SNRPD3: variants seen among roughly 807,000 people sequenced by gnomAD.
The protein encoded by SNRPD3 is small nuclear ribonucleoprotein Sm D3.
For synonymous variants in SNRPD3, 66 were observed against 58.4 expected, an observed-to-expected ratio of 1.13 and a Z score of -0.59; for missense variants, 73 against 167.5, an observed-to-expected ratio of 0.44 and a Z score of 3.11.
At position 24,574,272 on chromosome 22, in the gene SNRPD3, C is replaced by A. The variant is rs995537080; in HGVS notation, c.*2295C>A. Among the ~76,000 whole-genome samples, 7 of 152,186 alleles carry A rather than the reference C, an allele frequency of 4.6e-5. No homozygotes were observed. The highest frequency in any genetic ancestry group is 1.7e-4 in the African/African-American group (7 of 41,446). Reference sequence around the variant, plus strand: ...TCCACGCAATGGAAACTGGCTATAACCCTACCTAGATCTGAAAAGTGAAGG... The same window carrying A: ...TCCACGCAATGGAAACTGGCTATAAACCTACCTAGATCTGAAAAGTGAAGG... On this transcript the variant is annotated 3_prime_UTR_variant, in exon 4 of 4. Transcript: ENST00000215829.
At chr22:24,568,543 AT>A (rs967069450) in intron 3 of SNRPD3, among the ~76,000 whole-genome samples, 2 of 149,922 alleles carry the variant, frequency 1.3e-5, no homozygotes, top group African/African-American at 2.4e-5. Context: ...TTTTTATTTT[AT>A]TTTTAATTTT....
At chr22:24,556,350 C>A (rs898567264) in intron 1 of SNRPD3, among the ~76,000 whole-genome samples, 1 of 149,604 alleles carries the variant, frequency 6.7e-6, no homozygotes, top group Non-Finnish European at 1.5e-5. Context: ...CTATCTCCTT[C>A]CCCCAAATCC....
In SNRPD3 at chr22:24,574,577, C is replaced by T. The variant is rs867164471; in HGVS notation, c.*2600C>T. ...TTGCTTGTTTTAAGACGGTCTCACT[C>T]TTCCCCAGGCGGGAGTGCAATGGCA... On this transcript the variant is annotated 3_prime_UTR_variant, in exon 4 of 4. Transcript: ENST00000215829. 6.6e-6 allele frequency among the ~76,000 whole-genome samples: 1 copy of T among 152,172 alleles called. No homozygotes were observed. The highest frequency in any genetic ancestry group is 2.4e-5 in the African/African-American group (1 of 41,440).
rs534805842 is a variant in SNRPD3 at position 24,560,195 on chromosome 22, C to T, written c.126+2395C>T. On this transcript the variant is annotated intron_variant, in intron 2 of 3. Coordinates refer to ENST00000215829, the MANE Select transcript of SNRPD3 (RefSeq NM_004175.5). ...GCAGTGGCGCGATCTTGGCTCACTG[C>T]AACCTCTGCCTTCCAGGTTCAAGCG... Among the ~76,000 whole-genome samples, 10 of 64,248 alleles carry T rather than the reference C, an allele frequency of 1.6e-4. No individual in the cohort carries two copies. In the South Asian group the frequency reaches 4.9e-3, roughly 31 times the overall value. The allele number at this position is 64,248 out of a possible 152,430, so 42.1% of individuals were successfully genotyped here.
chr22:24,571,965 A>G lies in SNRPD3; in HGVS notation c.369A>G (p.Gln123=). The change falls in exon 4 of 4, where the codon CAA becomes CAG. Residue 123 remains glutamine, a synonymous_variant. Coordinates refer to ENST00000215829, the MANE Select transcript of SNRPD3 (RefSeq NM_004175.5). ...GRGMGRGNIF[Q]KRR ...GAATGGGACGTGGAAACATCTTTCA[A>G]AAGCGAAGATAATTTTCTAAGTTGA... 1.2e-6 allele frequency: 2 copies of G among 1,614,140 alleles called. No homozygotes were observed. Among genetic ancestry groups the G allele is most frequent in the Non-Finnish European group, 1.7e-6 (2 of 1,179,982 alleles).
intron 1 of SNRPD3, 67 bp from the exon 2 acceptor site, chr22:24,557,590 C>T: frequency 8.7e-7 from 1 of 1,153,884 alleles, no homozygotes; most frequent in South Asian, 1.3e-5. Context: ...TTAAAGGAAG[C>T]ATGATGTGTG....
upstream of SNRPD3, chr22:24,555,765 C>T (rs1396457948): frequency 5.2e-6 from 8 of 1,550,394 alleles, no homozygotes; most frequent in South Asian, 4.8e-5. Context: ...GAAGTGTGAG[C>T]ACCCTCTCTG....
chr22:24,560,621 G>A (rs1209130370), intron 2 of SNRPD3, among the ~76,000 whole-genome samples: 2 of 150,268 alleles, frequency 1.3e-5, no homozygotes, highest in African/African-American at 4.9e-5. Flanking sequence ...GTAGAGATAG[G>A]GTTTCCCCAT....
intron 3 of SNRPD3, among the ~76,000 whole-genome samples, chr22:24,569,892 T>C (rs2045233440): frequency 6.6e-6 from 1 of 152,270 alleles, no homozygotes; most frequent in African/African-American, 2.4e-5. Flanking sequence ...TCTAGCCCCA[T>C]GGAGTTTCCT....
chr22:24,557,635 A>T lies in SNRPD3; in HGVS notation c.-18-22A>T. The T allele has an allele frequency of 1.3e-6, 2 of 1,591,774 alleles. 1 individual carries two copies. The highest frequency in any genetic ancestry group is 1.7e-6 in the Non-Finnish European group (2 of 1,162,700). The stretch of plus-strand genomic sequence containing the variant: ...TTTTCAGACTCTGAAAGATGAACTG[A>T]CTGTTGTCTCTCTCATTGTAGAACT... On this transcript the variant is annotated intron_variant, in intron 1 of 3. Transcript: ENST00000215829.
chr22:24,567,906 C>G (rs994078775), intron 2 of SNRPD3, 78 bp from the exon 3 acceptor site: 3 of 1,129,766 alleles, frequency 2.7e-6, no homozygotes, highest in Non-Finnish European at 3.9e-6. Flanking sequence ...TTCTGGACTT[C>G]CCCCTCCCAC....
chr22:24,557,648 T>C lies in SNRPD3; in HGVS notation c.-18-9T>C, dbSNP rs1212688707. The C allele has an allele frequency of 6.2e-7, 1 of 1,606,654 alleles. No individual in the cohort carries two copies. Among genetic ancestry groups the C allele is most frequent in the Non-Finnish European group, 8.5e-7 (1 of 1,174,926 alleles). On this transcript the variant is annotated splice_polypyrimidine_tract_variant and intron_variant, in intron 1 of 3. Coordinates refer to ENST00000215829, the MANE Select transcript of SNRPD3 (RefSeq NM_004175.5). ...AAAGATGAACTGACTGTTGTCTCTC[T>C]CATTGTAGAACTCTCTTCCTGCCAA...
upstream of SNRPD3, chr22:24,555,663 C>T (rs1471538775): frequency 7.7e-6 from 12 of 1,550,548 alleles, no homozygotes; most frequent in Non-Finnish European, 1.0e-5. Flanking sequence ...AAGTCCTGGC[C>T]CTTGGCCCAA....
At position 24,572,035 on chromosome 22, in the gene SNRPD3, G is replaced by A; in HGVS notation, c.*58G>A. The A allele has an allele frequency of 6.2e-7, 1 of 1,607,330 alleles. No individual in the cohort carries two copies. The highest frequency in any genetic ancestry group is 1.1e-5 in the South Asian group (1 of 90,068). On this transcript the variant is annotated 3_prime_UTR_variant, in exon 4 of 4. Transcript: ENST00000215829. ...TCTTTCAGGTTATCTGAGTTCATTG[G>A]AGTGGGTGCTTGTGCATATATGCTA...
At chr22:24,569,620 G>C (rs1382684466) in intron 3 of SNRPD3, among the ~76,000 whole-genome samples, 1 of 152,124 alleles carries the variant, frequency 6.6e-6, no homozygotes, top group Non-Finnish European at 1.5e-5. Flanking sequence ...CACAGGTTGA[G>C]GGCTCGGTCC....
Position 24,572,260 on chromosome 22 carries a change from T to C in SNRPD3, c.*283T>C. 1.6e-6 allele frequency: 1 copy of C among 617,818 alleles called. No individual in the cohort carries two copies. Among genetic ancestry groups the C allele is most frequent in the Non-Finnish European group, 2.8e-6 (1 of 351,286 alleles). The allele number at this position is 617,818 out of a possible 1,614,324, so 38.3% of individuals were successfully genotyped here. On this transcript the variant is annotated 3_prime_UTR_variant, in exon 4 of 4. Transcript: ENST00000215829. ...CAGTACTTTGAAATAGCACAGCTAT[T>C]GATGAGATTTTAAGCTGCTGTTCCT...
upstream of SNRPD3, chr22:24,555,751 C>T: frequency 6.4e-7 from 1 of 1,550,610 alleles, no homozygotes; most frequent in Non-Finnish European, 8.7e-7. Context: ...GTGTGGGGTG[C>T]TTGGAAGTGT....
At chr22:24,558,643 A>T (rs532451133) in intron 2 of SNRPD3, among the ~76,000 whole-genome samples, 3 of 152,366 alleles carry the variant, frequency 2.0e-5, no homozygotes, top group East Asian at 3.9e-4. Flanking sequence ...GCAAGGAAGC[A>T]GTAGTAGGCA....
intron 2 of SNRPD3, among the ~76,000 whole-genome samples, chr22:24,558,714 G>A (rs1433546281): frequency 6.6e-6 from 1 of 152,162 alleles, no homozygotes; most frequent in African/African-American, 2.4e-5. Context: ...AAGGAAGGAG[G>A]ATTGAGCAGG....
Sources: allele counts gnomAD v4.1 joint callset (sites outside exome capture counted in the v4.1 genomes callset), GRCh38; gene constraint gnomAD v4.1.1; transcripts MANE v1.5; gene names NCBI Gene and HGNC (gene_info 2026-07-23, HGNC 2026-07-21).